Variants in C8B observed in about 807,000 individuals in gnomAD.
C8B encodes complement component C8 beta chain.
In C8B, 67 loss-of-function variants were observed where a neutral mutation model predicts 64.6. The observed-to-expected ratio is 1.04, with a 90% confidence interval of 0.85 to 1.27. The LOEUF is 1.27. Among genes scored for constraint, C8B ranks in the 50% most tolerant of loss-of-function variants. The pLI is 0.00. For missense variants in C8B, 790 were observed against 725.2 expected (o/e 1.09, Z -1.03); for synonymous variants, 284 against 257.7 (o/e 1.10, Z -0.98).
chr1:56,941,326 A>C (rs907064998), intron 8 of C8B, among the ~76,000 whole-genome samples: 3 of 152,196 alleles, frequency 2.0e-5, no homozygotes, highest in African/African-American at 7.2e-5. Context: ...ATAAATAGAT[A>C]ATAGGTAGGT....
chr1:56,959,795 G>T (rs563924809), intron 2 of C8B: 14 of 730,860 alleles, frequency 1.9e-5, no homozygotes, highest in Non-Finnish European at 2.9e-5. Flanking sequence ...TAATTAGGAA[G>T]CTAGTAGAGT....
intron 11 of C8B, among the ~76,000 whole-genome samples, chr1:56,929,795 A>G (rs1467511353): frequency 6.6e-6 from 1 of 152,028 alleles, no homozygotes; most frequent in East Asian, 1.9e-4. Context: ...GGTCAATCCA[A>G]TTCACCCCTC....
At chr1:56,963,596 TGGGGA>T (rs1645210182) in intron 1 of C8B, among the ~76,000 whole-genome samples, 1 of 104,010 alleles carries the variant, frequency 9.6e-6, no homozygotes, top group Non-Finnish European at 1.9e-5. Flanking sequence ...TGGTGGGGGG[TGGGGA>T]GGGGACAACG....
At position 56,946,021 on chromosome 1, in the gene C8B, G is replaced by A. The variant is rs149538771; in HGVS notation, c.905C>T (p.Ala302Val). The A allele has an allele frequency of 6.2e-7, 1 of 1,613,940 alleles. No individual in the cohort carries two copies. Among genetic ancestry groups the A allele is most frequent in the African/African-American group, 1.3e-5 (1 of 74,896 alleles). ...GCTTCTGGGTTTCAGCTTGTAATGTGCTACTTCAAGGTCAGAGCGTGCATG... is the reference window on the plus strand; with the variant it reads ...GCTTCTGGGTTTCAGCTTGTAATGTACTACTTCAAGGTCAGAGCGTGCATG... ...FLHARSDLEV[A>V]HYKLKPRSLM... The change falls in exon 7 of 12, where the codon GCA becomes GTA. Residue 302 changes from alanine to valine, a missense_variant. Physicochemically the swap from Ala to Val is moderately conservative, Grantham distance 64 (BLOSUM62 0). Coordinates refer to ENST00000371237, the MANE Select transcript of C8B (RefSeq NM_000066.4).
chr1:56,947,598 C>G (rs1367597796), intron 6 of C8B, among the ~76,000 whole-genome samples: 1 of 152,154 alleles, frequency 6.6e-6, no homozygotes, highest in African/African-American at 2.4e-5. Context: ...CTTGCATTTC[C>G]TTTATAGCAT....
intron 6 of C8B, 30 bp from the exon 7 acceptor site, chr1:56,946,091 G>A (rs944563967): frequency 1.2e-6 from 2 of 1,613,180 alleles, no homozygotes; most frequent in African/African-American, 2.7e-5. Flanking sequence ...GGGAAAACCA[G>A]ACCTTTAAAG....
At chr1:56,935,699 T>C (rs1195347399) in intron 9 of C8B, among the ~76,000 whole-genome samples, 1 of 152,242 alleles carries the variant, frequency 6.6e-6, no homozygotes, top group Non-Finnish European at 1.5e-5. Flanking sequence ...TTTTGTTTCC[T>C]TCTTGTACAG....
At chr1:56,951,100 A>G (rs1645014571) in intron 5 of C8B, among the ~76,000 whole-genome samples, 1 of 152,194 alleles carries the variant, frequency 6.6e-6, no homozygotes, top group Non-Finnish European at 1.5e-5. Flanking sequence ...CATTTTAAAG[A>G]CAGGATCTTG....
chr1:56,949,549 A>C lies in C8B; in HGVS notation c.864+6T>G. 2 of 1,611,974 alleles carry C rather than the reference A, an allele frequency of 1.2e-6. No homozygotes were observed. The highest frequency in any genetic ancestry group is 1.7e-6 in the Non-Finnish European group (2 of 1,178,142). On this transcript the variant is annotated splice_donor_region_variant and intron_variant, in intron 6 of 11. Transcript: ENST00000371237. ...ATACGTTTAAAAGCAACAAAGACAT[A>C]CTTACAGTATGAGAGAATCGTTTGG... is the stretch of plus-strand genomic sequence containing the variant.
chr1:56,964,923 G>A (rs1645230590), intron 1 of C8B, among the ~76,000 whole-genome samples: 1 of 152,144 alleles, frequency 6.6e-6, no homozygotes, highest in Non-Finnish European at 1.5e-5. Flanking sequence ...TGGGCTAAAT[G>A]GAGTTTCTTG....
At chr1:56,945,431 GT>G (rs1644926901) in intron 7 of C8B, among the ~76,000 whole-genome samples, 1 of 152,184 alleles carries the variant, frequency 6.6e-6, no homozygotes, top group Non-Finnish European at 1.5e-5. Context: ...GAGAAAGAAA[GT>G]CAAAAGTTCT....
rs372950062 is a variant in C8B at position 56,940,835 on chromosome 1, G to A, written c.1398+14C>T. ...CTGGGTGGAGGAAAGGATGGGTAGAGCAGCGTTGTGTACCTTAACTTTGAT... is the reference window on the plus strand; with the variant it reads ...CTGGGTGGAGGAAAGGATGGGTAGAACAGCGTTGTGTACCTTAACTTTGAT... On this transcript the variant is annotated intron_variant, in intron 9 of 11. Transcript: ENST00000371237. The A allele has an allele frequency of 1.2e-6, 2 of 1,614,002 alleles. No homozygotes were observed. Among genetic ancestry groups the A allele is most frequent in the East Asian group, 2.2e-5 (1 of 44,864 alleles).
intron 9 of C8B, among the ~76,000 whole-genome samples, chr1:56,936,515 T>A (rs1439628958): frequency 1.9e-5 from 1 of 51,988 alleles, no homozygotes; most frequent in Non-Finnish European, 3.6e-5. Flanking sequence ...TTGTGGTAAA[T>A]TTTTTTTTTT....
At chr1:56,929,888 C>G (rs1163605290) in intron 11 of C8B, among the ~76,000 whole-genome samples, 1 of 152,200 alleles carries the variant, frequency 6.6e-6, no homozygotes, top group Non-Finnish European at 1.5e-5. Context: ...ACTCCTAACT[C>G]TCCATCAATT....
At chr1:56,940,714 T>C (rs1644838829) in intron 9 of C8B, 135 bp downstream of exon 9, 4 of 885,270 alleles carry the variant, frequency 4.5e-6, no homozygotes, top group African/African-American at 1.7e-5. Flanking sequence ...AAATATATTT[T>C]CTACTATCGT....
At position 56,956,966 on chromosome 1, in the gene C8B, G is replaced by A. The variant is rs532544319; in HGVS notation, c.250-56C>T. 8.0e-5 allele frequency: 127 copies of A among 1,594,232 alleles called. 1 individual carries two copies. The East Asian group carries it at 2.5e-3, about 32-fold the overall frequency. Reference sequence around the variant, plus strand: ...GGTAAAGCCTTAGATCTCAGGAGCTGAGGGATACTCTGTGTAAATGGGTCT... The same window carrying A: ...GGTAAAGCCTTAGATCTCAGGAGCTAAGGGATACTCTGTGTAAATGGGTCT... On this transcript the variant is annotated intron_variant, in intron 2 of 11. Transcript: ENST00000371237.
rs1645150345 is a variant in C8B, at chr1:56,959,733, C to T, written c.249+287G>A. On this transcript the variant is annotated intron_variant, in intron 2 of 11. Transcript: ENST00000371237. ...TCAGACATACACTATGATTGCTTCCCCTGTTTCATGATGAAAGATTGATTG... is the reference window on the plus strand; with the variant it reads ...TCAGACATACACTATGATTGCTTCCTCTGTTTCATGATGAAAGATTGATTG... The T allele has an allele frequency of 5.6e-6, 5 of 896,842 alleles. No homozygotes were observed. The South Asian group carries it at 6.7e-5, about 12-fold the overall frequency. The allele number at this position is 896,842 out of a possible 1,614,324, so 55.6% of individuals were successfully genotyped here. A position where few individuals can be genotyped will look rare whatever the true frequency, so the allele number is the denominator to read the frequency against.
At chr1:56,963,874 G>C (rs1645214004) in intron 1 of C8B, 14 of 985,262 alleles carry the variant, frequency 1.4e-5, no homozygotes, top group Non-Finnish European at 1.7e-5. Flanking sequence ...TTCATCATCT[G>C]ACTTGATTAC....
At chr1:56,958,431 A>G (rs1645131625) in intron 2 of C8B, among the ~76,000 whole-genome samples, 1 of 152,176 alleles carries the variant, frequency 6.6e-6, no homozygotes. Flanking sequence ...GTACTTGCAA[A>G]GGGTCATTCT....
Sources: allele counts gnomAD v4.1 joint callset (sites outside exome capture counted in the v4.1 genomes callset), GRCh38; gene constraint gnomAD v4.1.1; transcripts MANE v1.5; gene names NCBI Gene and HGNC (gene_info 2026-07-23, HGNC 2026-07-21).